PRDM16: variants seen among roughly 807,000 people sequenced by gnomAD.
The protein encoded by PRDM16 is histone-lysine N-methyltransferase PRDM16.
A neutral mutation model predicts 110.6 loss-of-function variants in PRDM16; 23 were observed. The ratio of observed to expected loss-of-function variants is 0.21; its 90% confidence interval spans 0.15 to 0.29. The LOEUF is 0.29. Among genes scored for constraint, PRDM16 ranks in the 10% least tolerant of loss-of-function variants. PRDM16 has a pLI of 1.00. For missense variants in PRDM16, 1,615 were observed against 1,794.3 expected (o/e 0.90, Z 1.81); for synonymous variants, 799 against 781.8 (o/e 1.02, Z -0.37).
At chr1:3,386,156 G>C (rs1387208406) in intron 4 of PRDM16, among the ~76,000 whole-genome samples, 1 of 152,190 alleles carries the variant, frequency 6.6e-6, no homozygotes, top group Admixed American at 6.5e-5. Context: ...GGTGCCCGGG[G>C]TGCCCGGGGT....
intron 1 of PRDM16, among the ~76,000 whole-genome samples, chr1:3,177,491 T>C (rs1267739697): frequency 6.6e-6 from 1 of 152,206 alleles, no homozygotes; most frequent in Non-Finnish European, 1.5e-5. Flanking sequence ...GAGCTTCACT[T>C]CTTTGATGTA....
intron 15 of PRDM16, among the ~76,000 whole-genome samples, chr1:3,431,431 G>A (rs572567726): frequency 1.2e-3 from 190 of 152,342 alleles, no homozygotes; most frequent in African/African-American, 4.1e-3. Context: ...GGGACAGCGC[G>A]TGCAGCCACT....
rs1331887476 is a variant in PRDM16 at position 3,243,208 on chromosome 1, G to A, written c.388-879G>A. On this transcript the variant is annotated intron_variant, in intron 2 of 16. Transcript: ENST00000270722. This position sits in a 1 kb window ranked among gnomAD's most constrained non-coding sequence, Gnocchi z 5.5. ...GTGTGGCCCACAGCCCGCTGCTGGG[G>A]GTCCTCAGTGGCCACCCCGGGCACC... Among the ~76,000 whole-genome samples, 1 of 152,174 alleles carries A rather than the reference G, an allele frequency of 6.6e-6. No homozygotes were observed. Among genetic ancestry groups the A allele is most frequent in the East Asian group, 1.9e-4 (1 of 5,200 alleles).
chr1:3,340,354 C>G (rs1046304489), intron 3 of PRDM16, among the ~76,000 whole-genome samples: 1 of 152,114 alleles, frequency 6.6e-6, no homozygotes, highest in Non-Finnish European at 1.5e-5. Flanking sequence ...AATTTGGGGA[C>G]AGATGGCACC....
intron 15 of PRDM16, among the ~76,000 whole-genome samples, chr1:3,431,615 TGC>T (rs1387312333): frequency 1.5e-4 from 23 of 148,468 alleles, no homozygotes; most frequent in Non-Finnish European, 2.7e-4. Context: ...GCCTGGATGC[TGC>T]CCCTGAGTCC....
At chr1:3,292,303 C>T (rs933446912) in intron 3 of PRDM16, among the ~76,000 whole-genome samples, 3 of 152,224 alleles carry the variant, frequency 2.0e-5, no homozygotes, top group Admixed American at 6.5e-5. Context: ...GGTGATAACG[C>T]GGGCACGGCA....
rs1203952027 is a variant in PRDM16 at position 3,116,637 on chromosome 1, C to T, written c.37+47341C>T. On this transcript the variant is annotated intron_variant, in intron 1 of 16. Transcript: ENST00000270722. Reference sequence around the variant, plus strand: ...GGGACCGCAGCTCCGGCTCTGATGGCAGACACGGTGTGGCCTGTCACTGCG... The same window carrying T: ...GGGACCGCAGCTCCGGCTCTGATGGTAGACACGGTGTGGCCTGTCACTGCG... 4.6e-5 allele frequency among the ~76,000 whole-genome samples: 7 copies of T among 152,192 alleles called. No homozygotes were observed. In the South Asian group the frequency reaches 1.5e-3, roughly 32 times the overall value.
chr1:3,181,539 C>CGGTCTTACACAT (rs1644188169), intron 1 of PRDM16, among the ~76,000 whole-genome samples: 1 of 53,114 alleles, frequency 1.9e-5, no homozygotes, highest in Admixed American at 1.9e-4. Context: ...GTCTTACACA[C>CGGTCTTACACAT]GGTCTTACAC....
rs1642015364 is a variant in PRDM16, at chr1:3,081,087, TG to T, written c.37+11794del. Among the ~76,000 whole-genome samples the T allele has an allele frequency of 6.6e-6, 1 of 152,166 alleles. No individual in the cohort carries two copies. The highest frequency in any genetic ancestry group is 6.5e-5 in the Admixed American group (1 of 15,280). On this transcript the variant is annotated intron_variant, in intron 1 of 16. Coordinates refer to ENST00000270722, the MANE Select transcript of PRDM16 (RefSeq NM_022114.4). This position sits in a 1 kb window ranked among gnomAD's most constrained non-coding sequence, Gnocchi z 4.6. The stretch of plus-strand genomic sequence containing the variant: ...ACGAGGGGCTCTCTGGTTTCATGGC[TG>T]GGAATCTGAACCGCAGGGCAGAGGC...
Position 3,350,901 on chromosome 1 carries a change from C to G in PRDM16, c.439-34251C>G, listed in dbSNP as rs1642468229. Reference sequence around the variant, plus strand: ...CCCCCCAGTCCTTGCAGAGCCCACTCTGAAGGGGACTTGGGGATTCACTTC... The same window carrying G: ...CCCCCCAGTCCTTGCAGAGCCCACTGTGAAGGGGACTTGGGGATTCACTTC... On this transcript the variant is annotated intron_variant, in intron 3 of 16. Transcript: ENST00000270722. This position sits in a 1 kb window ranked among gnomAD's most constrained non-coding sequence, Gnocchi z 7.1. 6.6e-6 allele frequency among the ~76,000 whole-genome samples: 1 copy of G among 152,190 alleles called. No homozygotes were observed. Among genetic ancestry groups the G allele is most frequent in the Admixed American group, 6.5e-5 (1 of 15,292 alleles).
At chr1:3,372,875 C>T (rs1316535833) in intron 3 of PRDM16, among the ~76,000 whole-genome samples, 4 of 152,180 alleles carry the variant, frequency 2.6e-5, no homozygotes. Context: ...GCCTAAGGAG[C>T]AGGGACTGGT....
intron 1 of PRDM16, among the ~76,000 whole-genome samples, chr1:3,112,422 C>T (rs1263227919): frequency 2.0e-5 from 3 of 152,352 alleles, no homozygotes; most frequent in African/African-American, 7.2e-5. Context: ...GGTCTGTAAA[C>T]ATTCTTTTTT....
At chr1:3,289,455 C>T (rs756827953) in intron 3 of PRDM16, among the ~76,000 whole-genome samples, 14 of 152,264 alleles carry the variant, frequency 9.2e-5, no homozygotes, top group South Asian at 2.1e-4. Context: ...AGCTTCCCCA[C>T]GCTGTTTTTG....
intron 2 of PRDM16, chr1:3,207,438 C>T (rs893389281): frequency 6.6e-6 from 1 of 152,230 alleles, no homozygotes; most frequent in Non-Finnish European, 1.5e-5. Flanking sequence ...GAAGCAGGCA[C>T]ATTTGTGACT....
At chr1:3,093,039 C>T (rs1642312825) in intron 1 of PRDM16, among the ~76,000 whole-genome samples, 1 of 152,194 alleles carries the variant, frequency 6.6e-6, no homozygotes, top group African/African-American at 2.4e-5. Context: ...AAGCCAGGAA[C>T]ATGGGGCCAG....
intron 1 of PRDM16, among the ~76,000 whole-genome samples, chr1:3,177,609 G>A (rs566762539): frequency 2.6e-5 from 4 of 152,310 alleles, no homozygotes; most frequent in Middle Eastern, 3.4e-3. Flanking sequence ...ATCAGCAGCC[G>A]GCCAGTCCCC....
chr1:3,240,081 GA>G (rs1557550996), intron 2 of PRDM16, among the ~76,000 whole-genome samples: 1 of 141,718 alleles, frequency 7.1e-6, no homozygotes, highest in Non-Finnish European at 1.5e-5. Context: ...GAGAGGAGAG[GA>G]GAGGAGAGGA....
rs557076867 is a variant in PRDM16 at position 3,097,783 on chromosome 1, C to T, written c.37+28487C>T. Among the ~76,000 whole-genome samples, 11 of 152,266 alleles carry T rather than the reference C, an allele frequency of 7.2e-5. No individual in the cohort carries two copies. The East Asian group carries it at 7.8e-4, about 11-fold the overall frequency. The stretch of plus-strand genomic sequence containing the variant: ...CCAGGTGTGAGGGGGCGGGAGGCAG[C>T]GCCTTCTGTTTGGCCTCGTGTAGAG... On this transcript the variant is annotated intron_variant, in intron 1 of 16. Coordinates refer to ENST00000270722, the MANE Select transcript of PRDM16 (RefSeq NM_022114.4).
chr1:3,364,718 T>G (rs1642778250), intron 3 of PRDM16, among the ~76,000 whole-genome samples: 1 of 152,198 alleles, frequency 6.6e-6, no homozygotes, highest in Non-Finnish European at 1.5e-5. Context: ...GCGGGCCTTA[T>G]GGAAACCAGA....
Sources: gnomAD v4.1 joint callset for allele counts (sites outside exome capture counted in the v4.1 genomes callset) on GRCh38, gnomAD v4.1.1 for gene constraint, Gnocchi (gnomAD v3.1) non-coding constraint, MANE v1.5 for transcripts, NCBI Gene and HGNC (gene_info 2026-07-23, HGNC 2026-07-21) for gene names.